The following CUTC variants were observed in gnomAD, a reference collection of about 807,000 sequenced individuals.
The protein encoded by CUTC is cutC copper transporter.
Under a neutral mutation model 36.2 loss-of-function variants are expected in CUTC, and 27 were observed. That is an observed-to-expected ratio of 0.75 (90% CI 0.55 to 1.03). The LOEUF (loss-of-function observed/expected upper bound fraction) is 1.03, where lower values mean the gene tolerates loss of function less well. CUTC is among the 50% of genes least tolerant of loss of function. CUTC has a pLI of 0.00. For synonymous variants in CUTC, 114 were observed against 118.3 expected (o/e 0.96, Z 0.24); for missense variants, 315 against 343.5 (o/e 0.92, Z 0.66).
intron 3 of CUTC, among the ~76,000 whole-genome samples, chr10:99,741,539 T>G (rs1029263291): frequency 6.6e-6 from 1 of 152,136 alleles, no homozygotes; most frequent in Non-Finnish European, 1.5e-5. Context: ...TTTTCTTTCC[T>G]TCTCCTTTTC....
At chr10:99,732,558 A>C (rs2037222167) in intron 1 of CUTC, 149 bp downstream of exon 1, 12 of 1,450,396 alleles carry the variant, frequency 8.3e-6, no homozygotes, top group Non-Finnish European at 1.1e-5. Flanking sequence ...TGAGGCGTTA[A>C]AGGTGTGGAA....
At chr10:99,747,500 T>G (rs1009893068) in intron 6 of CUTC, 110 bp downstream of exon 6, 1 of 1,269,438 alleles carries the variant, frequency 7.9e-7, no homozygotes, top group African/African-American at 1.5e-5. Flanking sequence ...GTGGTTACTC[T>G]GTAGGAAAAG....
chr10:99,742,725 G>A (rs539682116), intron 3 of CUTC, among the ~76,000 whole-genome samples: 270 of 151,154 alleles, frequency 1.8e-3, no homozygotes, highest in Non-Finnish European at 3.2e-3. Flanking sequence ...AAAAAAAAAG[G>A]TTTTGCTAAA....
chr10:99,755,913 A>G lies in CUTC; in HGVS notation c.*174A>G. ...AGAAGAAAAAGAATTTGAAACAGAGATACAGTCACTTCCTTTGCTTAGTCT... is the reference window on the plus strand; with the variant it reads ...AGAAGAAAAAGAATTTGAAACAGAGGTACAGTCACTTCCTTTGCTTAGTCT... On this transcript the variant is annotated 3_prime_UTR_variant, in exon 9 of 9. Transcript: ENST00000370476. The G allele has an allele frequency of 3.6e-6, 2 of 552,530 alleles. No homozygotes were observed. Among genetic ancestry groups the G allele is most frequent in the Non-Finnish European group, 6.4e-6 (2 of 312,066 alleles). The allele number at this position is 552,530 out of a possible 1,614,324, so 34.2% of individuals were successfully genotyped here.
intron 1 of CUTC, among the ~76,000 whole-genome samples, chr10:99,732,891 C>G (rs1465052310): frequency 6.6e-6 from 1 of 152,196 alleles, no homozygotes; most frequent in Non-Finnish European, 1.5e-5. Flanking sequence ...GACCCGAGTT[C>G]TTCCTGAGTG....
chr10:99,740,619 A>T (rs144384006), intron 3 of CUTC, among the ~76,000 whole-genome samples: 169 of 151,830 alleles, frequency 1.1e-3, no homozygotes, highest in African/African-American at 4.0e-3. Context: ...TAGTTTTTTC[A>T]TGTTTCTTGG....
chr10:99,750,301 C>A, intron 6 of CUTC, 68 bp from the exon 7 acceptor site: 1 of 1,172,662 alleles, frequency 8.5e-7, no homozygotes, highest in Non-Finnish European at 1.2e-6. Context: ...TTTCTATTCT[C>A]ACTGCCTTAT....
intron 2 of CUTC, among the ~76,000 whole-genome samples, chr10:99,737,236 C>G (rs999050726): frequency 6.6e-6 from 1 of 150,954 alleles, no homozygotes; most frequent in Non-Finnish European, 1.5e-5. Flanking sequence ...CCACTGCACT[C>G]TAGCCTGGGT....
rs201644651 is a variant in CUTC at position 99,736,318 on chromosome 10, G to A, written c.133+1G>A. 1 of 1,611,090 alleles carries A rather than the reference G, an allele frequency of 6.2e-7. No homozygotes were observed. Among genetic ancestry groups the A allele is most frequent in the Non-Finnish European group, 8.5e-7 (1 of 1,177,354 alleles). On this transcript the variant is annotated splice_donor_variant, in intron 2 of 8. Coordinates refer to ENST00000370476, the MANE Select transcript of CUTC (RefSeq NM_015960.3). LOFTEE classifies it high-confidence loss of function. Reference sequence around the variant, plus strand: ...TCAGCTGTGAATGCAGAAAGAGGAGGTAAGAGAAATCAGATAGTGAATGAC... The same window carrying A: ...TCAGCTGTGAATGCAGAAAGAGGAGATAAGAGAAATCAGATAGTGAATGAC...
chr10:99,734,818 G>A (rs1187706281), intron 1 of CUTC, among the ~76,000 whole-genome samples: 1 of 151,952 alleles, frequency 6.6e-6, no homozygotes, highest in Admixed American at 6.6e-5. Flanking sequence ...ACCTTACTTA[G>A]GAGGCCAGAC....
intron 1 of CUTC, 116 bp from the exon 2 acceptor site, chr10:99,736,130 T>C: frequency 1.3e-6 from 1 of 746,708 alleles, no homozygotes; most frequent in Non-Finnish European, 2.4e-6. Context: ...AGTGTACTTA[T>C]CTATTACCTG....
intron 1 of CUTC, among the ~76,000 whole-genome samples, chr10:99,735,318 T>G (rs2037287686): frequency 6.6e-6 from 1 of 152,128 alleles, no homozygotes; most frequent in African/African-American, 2.4e-5. Context: ...GAAATGTTCC[T>G]TGAAAAATTT....
At chr10:99,754,824 T>C (rs1223286654) in intron 8 of CUTC, among the ~76,000 whole-genome samples, 190 bp downstream of exon 8, 1 of 152,228 alleles carries the variant, frequency 6.6e-6, no homozygotes, top group Non-Finnish European at 1.5e-5. Flanking sequence ...ATAAACAGGC[T>C]CTTTGAACAT....
chr10:99,754,594 T>TG lies in CUTC; in HGVS notation c.668dup (p.Cys223TrpfsTer7), dbSNP rs774695837. On this transcript the variant is annotated frameshift_variant, in exon 8 of 9. Coordinates refer to ENST00000370476, the MANE Select transcript of CUTC (RefSeq NM_015960.3). LOFTEE classifies it high-confidence loss of function. ...GGGTTCAGGTGCTACAGAATTCCAC[T>TG]GTTCTGCTCGGTCTACTAGAGACTC... The TG allele has an allele frequency of 3.2e-4, 518 of 1,613,894 alleles. No homozygotes were observed. The highest frequency in any genetic ancestry group is 4.0e-4 in the Non-Finnish European group (473 of 1,179,816).
intron 8 of CUTC, 138 bp from the exon 9 acceptor site, chr10:99,755,487 T>C (rs996433031): frequency 3.3e-6 from 2 of 597,542 alleles, no homozygotes; most frequent in South Asian, 2.1e-5. Flanking sequence ...AAGTAATTAA[T>C]TGATGAAAAT....
intron 2 of CUTC, among the ~76,000 whole-genome samples, chr10:99,738,389 G>GGTGTGT (rs10693937): frequency 0.065 from 9,305 of 142,850 alleles, 332 homozygotes; most frequent in South Asian, 0.12. Flanking sequence ...ACTCATACAG[G>GGTGTGT]GTGTGTGTGT....
At chr10:99,749,940 T>C (rs73330368) in intron 6 of CUTC, among the ~76,000 whole-genome samples, 3,955 of 152,240 alleles carry the variant, frequency 0.026, 175 homozygotes, top group African/African-American at 0.089. Context: ...ACTTTTCTTC[T>C]ATCCTCAGGG....
chr10:99,739,657 T>C lies in CUTC; in HGVS notation c.134-53T>C. 4 of 1,540,626 alleles carry C rather than the reference T, an allele frequency of 2.6e-6. No individual in the cohort carries two copies. In the South Asian group the frequency reaches 4.6e-5, roughly 18 times the overall value. On this transcript the variant is annotated intron_variant, in intron 2 of 8. Transcript: ENST00000370476. ...AAAATATATATAAACAGGTTGCTGTTTAATAACAGCTTATTTTTTAAAAAT... is the reference window on the plus strand; with the variant it reads ...AAAATATATATAAACAGGTTGCTGTCTAATAACAGCTTATTTTTTAAAAAT...
At position 99,754,393 on chromosome 10, in the gene CUTC, G is replaced by A. The variant is rs564690041; in HGVS notation, c.602-136G>A. 4.0e-5 allele frequency: 27 copies of A among 672,994 alleles called. No individual in the cohort carries two copies. The South Asian group carries it at 4.3e-4, about 11-fold the overall frequency. 41.7% of individuals were successfully genotyped at this position (672,994 alleles called of 1,614,324 possible). A position where few individuals can be genotyped will look rare whatever the true frequency, so the allele number is the denominator to read the frequency against. On this transcript the variant is annotated intron_variant, in intron 7 of 8. Coordinates refer to ENST00000370476, the MANE Select transcript of CUTC (RefSeq NM_015960.3). ...CACTTCTCTAATCTCATTCTAGCTG[G>A]GTAGGGAGAGACTAATTTTTGAATC...
Sources: allele counts gnomAD v4.1 joint callset (sites outside exome capture counted in the v4.1 genomes callset), GRCh38; gene constraint gnomAD v4.1.1; transcripts MANE v1.5; gene names NCBI Gene and HGNC (gene_info 2026-07-23, HGNC 2026-07-21).